The following ARHGAP26 variants were observed in gnomAD, a reference collection of about 807,000 sequenced individuals.
The protein encoded by ARHGAP26 is Rho GTPase activating protein 26.
In ARHGAP26, 38 loss-of-function variants were observed where a neutral mutation model predicts 104.8. That is an observed-to-expected ratio of 0.36 (90% confidence interval 0.28 to 0.48). The LOEUF (loss-of-function observed/expected upper bound fraction) is 0.48. Among genes scored for constraint, ARHGAP26 ranks in the 20% least tolerant of loss-of-function variants. ARHGAP26 has a pLI of 0.99. For synonymous variants in ARHGAP26, 341 were observed against 340.0 expected, an observed-to-expected ratio of 1.00 and a Z score of -0.03; for missense variants, 704 against 947.9, an observed-to-expected ratio of 0.74 and a Z score of 3.38.
At chr5:142,948,912 C>T (rs752465713) in intron 11 of ARHGAP26, among the ~76,000 whole-genome samples, 1 of 151,832 alleles carries the variant, frequency 6.6e-6, no homozygotes, top group African/African-American at 2.4e-5. Flanking sequence ...TGAGACCAGC[C>T]TGGACAACAT....
chr5:142,957,528 C>A (rs1769458739), intron 11 of ARHGAP26, among the ~76,000 whole-genome samples: 2 of 152,110 alleles, frequency 1.3e-5, no homozygotes, highest in African/African-American at 4.8e-5. Context: ...GTAATAAGAC[C>A]TTCCTTCCTA....
chr5:143,132,069 G>C (rs1462359380), intron 18 of ARHGAP26, among the ~76,000 whole-genome samples: 1 of 151,940 alleles, frequency 6.6e-6, no homozygotes, highest in Non-Finnish European at 1.5e-5. Context: ...TGCCCCAGTT[G>C]AACTCAGCTA....
At chr5:143,186,176 T>A (rs952121192) in intron 20 of ARHGAP26, among the ~76,000 whole-genome samples, 4 of 152,194 alleles carry the variant, frequency 2.6e-5, no homozygotes, top group Non-Finnish European at 5.9e-5. Context: ...ACTCACCTTG[T>A]GGAATATTAT....
At chr5:142,878,744 G>A (rs139066564) in intron 3 of ARHGAP26, among the ~76,000 whole-genome samples, 474 of 152,250 alleles carry the variant, frequency 3.1e-3, no homozygotes, top group Middle Eastern at 0.01. Context: ...CAAATGCTAC[G>A]GCCCTGAGGT....
chr5:142,890,944 G>GCATGTATACTATTTTGATATATGCCTAT (rs1562025865), intron 5 of ARHGAP26, among the ~76,000 whole-genome samples: 1 of 151,732 alleles, frequency 6.6e-6, no homozygotes, highest in African/African-American at 2.4e-5. Context: ...TCCTTATAGG[G>GCATGTATACTATTTTGATATATGCCTAT]ATTTCCTTCT....
chr5:142,805,490 TG>T (rs1371792251), intron 1 of ARHGAP26, among the ~76,000 whole-genome samples: 1 of 152,252 alleles, frequency 6.6e-6, no homozygotes, highest in Non-Finnish European at 1.5e-5. Context: ...ATGAAATTTT[TG>T]TACAAGTTTT....
At chr5:142,914,828 T>G (rs1054039049) in intron 10 of ARHGAP26, among the ~76,000 whole-genome samples, 1 of 152,192 alleles carries the variant, frequency 6.6e-6, no homozygotes. Flanking sequence ...CCCTTCTCTT[T>G]TCTAAGCATG....
intron 17 of ARHGAP26, among the ~76,000 whole-genome samples, chr5:143,088,375 A>G (rs1431532068): frequency 2.0e-5 from 3 of 152,184 alleles, no homozygotes; most frequent in Non-Finnish European, 4.4e-5. Flanking sequence ...ACAGGTGAGT[A>G]GATGATGGTT....
intron 17 of ARHGAP26, among the ~76,000 whole-genome samples, chr5:143,101,933 G>A (rs1413434309): frequency 6.6e-6 from 1 of 151,592 alleles, no homozygotes; most frequent in Non-Finnish European, 1.5e-5. Context: ...TATGGCAACA[G>A]GTTCTATTTT....
chr5:142,808,717 G>T (rs1763513476), intron 1 of ARHGAP26, among the ~76,000 whole-genome samples: 1 of 152,088 alleles, frequency 6.6e-6, no homozygotes. Flanking sequence ...GCTGCCTAGA[G>T]CATGGTCCAT....
intron 17 of ARHGAP26, among the ~76,000 whole-genome samples, chr5:143,115,290 G>A (rs1056598209): frequency 4.6e-5 from 7 of 151,866 alleles, no homozygotes; most frequent in Admixed American, 2.0e-4. Flanking sequence ...CCAAGATCAC[G>A]CCATTGCACT....
intron 11 of ARHGAP26, among the ~76,000 whole-genome samples, chr5:142,937,121 A>G (rs1188053043): frequency 6.6e-6 from 1 of 152,176 alleles, no homozygotes; most frequent in Admixed American, 6.5e-5. Context: ...AAAAACATAT[A>G]TCCGATAAGG....
intron 11 of ARHGAP26, among the ~76,000 whole-genome samples, chr5:143,004,251 A>G (rs1777622974): frequency 6.6e-6 from 1 of 152,196 alleles, no homozygotes; most frequent in African/African-American, 2.4e-5. Context: ...GTTAGGTTAC[A>G]GTTAGTCCAC....
At chr5:142,783,910 C>T (rs754576451) in intron 1 of ARHGAP26, among the ~76,000 whole-genome samples, 2 of 152,210 alleles carry the variant, frequency 1.3e-5, no homozygotes, top group Non-Finnish European at 2.9e-5. Flanking sequence ...CAGACTTTAC[C>T]GTGGGCGACT....
intron 1 of ARHGAP26, among the ~76,000 whole-genome samples, chr5:142,830,565 C>G (rs1404642331): frequency 6.6e-6 from 1 of 152,104 alleles, no homozygotes; most frequent in Admixed American, 6.5e-5. Flanking sequence ...GATCAATGCA[C>G]TCTTTAATTA....
At chr5:142,873,352 C>A in intron 1 of ARHGAP26, 48 bp from the exon 2 acceptor site, 1 of 1,450,732 alleles carries the variant, frequency 6.9e-7, no homozygotes, top group Non-Finnish European at 9.5e-7. Flanking sequence ...ATCAGAAAGC[C>A]AGTTTAATTT....
intron 11 of ARHGAP26, among the ~76,000 whole-genome samples, chr5:142,978,028 T>C (rs188398530): frequency 1.1e-3 from 163 of 152,356 alleles, no homozygotes; most frequent in African/African-American, 3.7e-3. Flanking sequence ...CTCTGACTTA[T>C]TTTCAGTGAT....
intron 11 of ARHGAP26, among the ~76,000 whole-genome samples, chr5:142,961,358 G>A (rs941667855): frequency 6.6e-6 from 1 of 152,164 alleles, no homozygotes; most frequent in East Asian, 1.9e-4. Context: ...CGGGCATGGT[G>A]GTGTGCACCT....
chr5:142,979,507 C>T (rs1438913584), intron 11 of ARHGAP26, among the ~76,000 whole-genome samples: 1 of 152,206 alleles, frequency 6.6e-6, no homozygotes, highest in African/African-American at 2.4e-5. Flanking sequence ...TGGGATCTGG[C>T]AAACATAGAC....
Sources: gnomAD v4.1 joint callset for allele counts (sites outside exome capture counted in the v4.1 genomes callset) on GRCh38, gnomAD v4.1.1 for gene constraint, MANE v1.5 for transcripts, NCBI Gene and HGNC (gene_info 2026-07-23, HGNC 2026-07-21) for gene names.